Variants in TMEM116 observed in about 807,000 individuals in gnomAD.
The protein encoded by TMEM116 is transmembrane protein 116.
A neutral mutation model predicts 44.3 loss-of-function variants in TMEM116; 38 were observed. That is an observed-to-expected ratio of 0.86 (90% CI 0.66 to 1.12). The LOEUF is 1.12. TMEM116 is among the 50% of genes most tolerant of loss of function. The pLI is 0.00. For synonymous variants in TMEM116, 132 were observed against 144.8 expected (o/e 0.91, Z 0.64); for missense variants, 354 against 401.7 (o/e 0.88, Z 1.01).
At chr12:111,991,933 G>T in intron 3 of TMEM116, 44 bp from the exon 4 acceptor site, 1 of 1,514,158 alleles carries the variant, frequency 6.6e-7, no homozygotes, top group Non-Finnish European at 8.8e-7. Context: ...GATGTAGCTA[G>T]GAGAATGTTA....
chr12:112,009,700 G>A (rs1379082179), intron 1 of TMEM116, among the ~76,000 whole-genome samples: 2 of 151,304 alleles, frequency 1.3e-5, no homozygotes, highest in Non-Finnish European at 1.5e-5. Context: ...AAAAAAATTA[G>A]CCAGGTGTGG....
At chr12:111,960,330 A>G (rs2074480746) in intron 4 of TMEM116, among the ~76,000 whole-genome samples, 1 of 151,614 alleles carries the variant, frequency 6.6e-6, no homozygotes, top group Admixed American at 6.6e-5. Flanking sequence ...CTCTACTAAA[A>G]ATACAAAAAA....
chr12:111,935,613 C>CGTGTGTGT (rs35906022), intron 8 of TMEM116: 5,526 of 120,288 alleles, frequency 0.046, 236 homozygotes, highest in African/African-American at 0.095. Flanking sequence ...TGAGCCATCT[C>CGTGTGTGT]GTGTGTGTGT....
intron 5 of TMEM116, among the ~76,000 whole-genome samples, chr12:111,940,480 T>C (rs7136475): frequency 0.1 from 12,914 of 128,786 alleles, 768 homozygotes; most frequent in Middle Eastern, 0.17. Flanking sequence ...TATATATACA[T>C]ACACACACAC....
At chr12:112,000,653 C>A in intron 3 of TMEM116, 1 of 440,484 alleles carries the variant, frequency 2.3e-6, no homozygotes, top group Non-Finnish European at 4.6e-6. Flanking sequence ...AGTGATCCTC[C>A]CATCTCAGCC....
At chr12:111,945,448 C>T (rs189900681) in intron 4 of TMEM116, among the ~76,000 whole-genome samples, 149 of 151,262 alleles carry the variant, frequency 9.9e-4, no homozygotes, top group African/African-American at 3.4e-3. Flanking sequence ...TTTTTTTCAG[C>T]CCTCATAGCA....
At chr12:111,964,885 C>T (rs541772247) in intron 4 of TMEM116, among the ~76,000 whole-genome samples, 1 of 152,090 alleles carries the variant, frequency 6.6e-6, no homozygotes, top group East Asian at 1.9e-4. Context: ...AGAGACAGGG[C>T]TCTCAATATG....
At chr12:111,942,563 C>T (rs1306406761) in intron 5 of TMEM116, among the ~76,000 whole-genome samples, 2 of 152,170 alleles carry the variant, frequency 1.3e-5, no homozygotes, top group African/African-American at 2.4e-5. Context: ...TAAGCCACTG[C>T]GCCCGGCCAA....
At chr12:111,993,568 A>C in intron 3 of TMEM116, 1 of 544,606 alleles carries the variant, frequency 1.8e-6, no homozygotes, top group Non-Finnish European at 3.6e-6. Context: ...AGGTTAGACC[A>C]AGACTTTGAG....
At chr12:111,955,739 G>C (rs548956757) in intron 4 of TMEM116, among the ~76,000 whole-genome samples, 5 of 152,274 alleles carry the variant, frequency 3.3e-5, no homozygotes, top group African/African-American at 1.2e-4. Context: ...GACAGTGGCC[G>C]CATAAGATTA....
intron 4 of TMEM116, among the ~76,000 whole-genome samples, chr12:111,971,317 T>C (rs1750177942): frequency 6.6e-6 from 1 of 152,096 alleles, no homozygotes; most frequent in African/African-American, 2.4e-5. Flanking sequence ...CAATGGATTG[T>C]GGGTTTTAAA....
At chr12:111,990,234 G>C (rs927063859) in intron 4 of TMEM116, among the ~76,000 whole-genome samples, 2 of 146,542 alleles carry the variant, frequency 1.4e-5, no homozygotes, top group Admixed American at 6.9e-5. Context: ...CAGCATCAGC[G>C]ACAGAGCGAG....
chr12:111,969,588 T>G (rs967139957), intron 4 of TMEM116, among the ~76,000 whole-genome samples: 25 of 151,832 alleles, frequency 1.6e-4, no homozygotes, highest in Non-Finnish European at 3.4e-4. Flanking sequence ...TTCTGTTGTT[T>G]TTTTTTTGAA....
At chr12:111,970,703 C>G (rs1374766490) in intron 4 of TMEM116, among the ~76,000 whole-genome samples, 2 of 151,720 alleles carry the variant, frequency 1.3e-5, no homozygotes, top group East Asian at 3.9e-4. Flanking sequence ...TCTCCTGCCT[C>G]AGCCTCCTGA....
intron 3 of TMEM116, 32 bp from the exon 4 acceptor site, chr12:111,991,921 G>GTA: frequency 6.5e-7 from 1 of 1,527,592 alleles, no homozygotes; most frequent in Non-Finnish European, 8.8e-7. Flanking sequence ...CATTTCATAT[G>GTA]TGATGTAGCT....
intron 4 of TMEM116, among the ~76,000 whole-genome samples, chr12:111,944,445 G>A (rs79282578): frequency 6.4e-4 from 98 of 152,090 alleles, no homozygotes; most frequent in African/African-American, 2.1e-3. Flanking sequence ...AGATCATGAG[G>A]TTGAGATCGA....
intron 4 of TMEM116, among the ~76,000 whole-genome samples, chr12:111,948,661 G>C (rs576118934): frequency 2.2e-4 from 34 of 152,134 alleles, no homozygotes; most frequent in African/African-American, 8.2e-4. Flanking sequence ...TTTACTAGTA[G>C]GTAAACTAAA....
At chr12:112,011,437 T>C (rs766000418) in intron 1 of TMEM116, 3 of 152,280 alleles carry the variant, frequency 2.0e-5, no homozygotes, top group Admixed American at 1.3e-4. Flanking sequence ...TGACTATTTA[T>C]ACACATACAT....
rs533180337 is a variant in TMEM116 at position 112,006,075 on chromosome 12, G to C, written c.-33-772C>G. The C allele has an allele frequency of 2.9e-5, 19 of 663,376 alleles. No homozygotes were observed. In the South Asian group the frequency reaches 1.1e-3, roughly 38 times the overall value. 41.1% of individuals were successfully genotyped at this position (663,376 alleles called of 1,614,324 possible). A position where few individuals can be genotyped will look rare whatever the true frequency, so the allele number is the denominator to read the frequency against. The stretch of plus-strand genomic sequence containing the variant: ...TGAATCCTGAAGCAGTGAACAGGTG[G>C]CTCCACCCCTATCCCAGCTGGGCTC... On this transcript the variant is annotated intron_variant, in intron 1 of 10. Coordinates refer to ENST00000552374, the MANE Select transcript of TMEM116 (RefSeq NM_001193531.2).
Sources: gnomAD v4.1 joint callset for allele counts (sites outside exome capture counted in the v4.1 genomes callset) on GRCh38, gnomAD v4.1.1 for gene constraint, MANE v1.5 for transcripts, NCBI Gene and HGNC (gene_info 2026-07-23, HGNC 2026-07-21) for gene names.